The following CDH20 variants were observed in gnomAD, a reference collection of about 807,000 sequenced individuals.
CDH20 encodes cadherin-20.
In CDH20, 29 loss-of-function variants were observed where a neutral mutation model predicts 74.2. The ratio of observed to expected loss-of-function variants is 0.39; its 90% confidence interval spans 0.29 to 0.53. The LOEUF (loss-of-function observed/expected upper bound fraction) is 0.53. Among genes scored for constraint, CDH20 ranks in the 20% least tolerant of loss-of-function variants. The pLI, the probability that CDH20 is intolerant of heterozygous loss-of-function variation, is 0.69. For missense variants in CDH20, 988 were observed against 1,048.3 expected, an observed-to-expected ratio of 0.94 and a Z score of 0.79; for synonymous variants, 469 against 405.4, an observed-to-expected ratio of 1.16 and a Z score of -1.88.
intron 1 of CDH20, among the ~76,000 whole-genome samples, chr18:61,373,020 G>C (rs1431979927): frequency 6.6e-6 from 1 of 152,198 alleles, no homozygotes; most frequent in Admixed American, 6.5e-5. Flanking sequence ...AGAATGTTTG[G>C]ACCATCTCTA....
chr18:61,477,137 T>C (rs1380582355), intron 1 of CDH20, among the ~76,000 whole-genome samples: 4 of 152,168 alleles, frequency 2.6e-5, no homozygotes, highest in Non-Finnish European at 5.9e-5. Context: ...ATTACTATGA[T>C]ATAATTAGAG....
chr18:61,426,353 G>C (rs1163201961), intron 1 of CDH20, among the ~76,000 whole-genome samples: 1 of 151,976 alleles, frequency 6.6e-6, no homozygotes, highest in Non-Finnish European at 1.5e-5. Context: ...GTGTACAAGA[G>C]GGCAAAGGAC....
intron 1 of CDH20, among the ~76,000 whole-genome samples, chr18:61,453,622 C>A (rs975151752): frequency 3.3e-5 from 5 of 152,194 alleles, no homozygotes; most frequent in African/African-American, 2.4e-5. Flanking sequence ...GCAATTTATC[C>A]AAGGCATTGC....
intron 8 of CDH20, 113 bp from the exon 9 acceptor site, chr18:61,538,911 C>T (rs1022615329): frequency 4.2e-6 from 5 of 1,178,370 alleles, no homozygotes; most frequent in African/African-American, 3.1e-5. Context: ...GGATTACAGG[C>T]GTGAGCCACT....
At chr18:61,382,349 G>A (rs1323889712) in intron 1 of CDH20, among the ~76,000 whole-genome samples, 3 of 152,124 alleles carry the variant, frequency 2.0e-5, no homozygotes, top group Non-Finnish European at 4.4e-5. Flanking sequence ...AGAGTAAAAC[G>A]TAATGGCCAA....
rs1323437407 is a variant in CDH20 at position 61,554,498 on chromosome 18, C to T, written c.2209C>T (p.Leu737=). ...CAAGCTCTACGAGGCCGACATGGAC[C>T]TGTGGGCACCGCCCTTCGACTCCCT... ...LAKLYEADMD[L]WAPPFDSLQT... The change falls in exon 12 of 12, where the codon CTG becomes TTG. Residue 737 remains leucine (L), a synonymous_variant. Coordinates refer to ENST00000262717, the MANE Select transcript of CDH20 (RefSeq NM_031891.4). 6.2e-7 allele frequency: 1 copy of T among 1,612,932 alleles called. No homozygotes were observed. The highest frequency in any genetic ancestry group is 8.5e-7 in the Non-Finnish European group (1 of 1,179,776).
At chr18:61,538,588 G>A (rs62097361) in intron 8 of CDH20, among the ~76,000 whole-genome samples, 1 of 55,124 alleles carries the variant, frequency 1.8e-5, no homozygotes, top group Non-Finnish European at 3.5e-5. Flanking sequence ...CTTTTTGTTT[G>A]TTTGTTTGTT....
At position 61,368,323 on chromosome 18, in the gene CDH20, C is replaced by T. The variant is rs191730386; in HGVS notation, c.-153+34496C>T. ...CTGATCATACTCACTGTCTCCTTTT[C>T]TTTTCTTCTTTTTATTTAATTTCAA... On this transcript the variant is annotated intron_variant, in intron 1 of 11. Transcript: ENST00000262717. Among the ~76,000 whole-genome samples, 122 of 149,730 alleles carry T rather than the reference C, an allele frequency of 8.1e-4. 2 individuals are homozygous for T. The highest frequency in any genetic ancestry group is 7.0e-3 in the Admixed American group (103 of 14,622).
At chr18:61,505,935 A>C (rs1227269984) in intron 5 of CDH20, among the ~76,000 whole-genome samples, 8 of 152,300 alleles carry the variant, frequency 5.3e-5, no homozygotes, top group African/African-American at 1.9e-4. Context: ...TATCTTGGCT[A>C]TACTCTTATG....
chr18:61,554,140 A>T (rs576750491), intron 11 of CDH20, 50 bp from the exon 12 acceptor site: 40 of 1,569,586 alleles, frequency 2.5e-5, no homozygotes, highest in Middle Eastern at 1.7e-4. Flanking sequence ...GTCACCGCAC[A>T]CACAGCCACA....
intron 1 of CDH20, among the ~76,000 whole-genome samples, chr18:61,421,641 T>C (rs1434428320): frequency 6.6e-6 from 1 of 152,172 alleles, no homozygotes; most frequent in African/African-American, 2.4e-5. Flanking sequence ...GAAGATAATA[T>C]TTTGAATGTC....
intron 1 of CDH20, among the ~76,000 whole-genome samples, chr18:61,439,364 C>A (rs976909658): frequency 5.9e-5 from 9 of 152,108 alleles, no homozygotes; most frequent in Non-Finnish European, 1.0e-4. Context: ...TTTTCTGTCA[C>A]CTTTCCAAAT....
At chr18:61,398,617 T>C (rs1305270472) in intron 1 of CDH20, among the ~76,000 whole-genome samples, 2 of 152,180 alleles carry the variant, frequency 1.3e-5, no homozygotes, top group Non-Finnish European at 2.9e-5. Context: ...AGATGAGTTA[T>C]TATGAATTTA....
chr18:61,536,013 C>T (rs1170043965), intron 7 of CDH20, among the ~76,000 whole-genome samples: 2 of 152,112 alleles, frequency 1.3e-5, no homozygotes, highest in Non-Finnish European at 2.9e-5. Context: ...AAGAAAGGGC[C>T]TGGTACAAGG....
intron 1 of CDH20, among the ~76,000 whole-genome samples, chr18:61,475,153 G>C (rs1910324916): frequency 6.6e-6 from 1 of 152,208 alleles, no homozygotes; most frequent in Admixed American, 6.5e-5. Flanking sequence ...GAGGGCTGCT[G>C]AAGGGATGGA....
chr18:61,339,701 T>TTTTTTTTTTTTTTTTTTTTTTTTTTTTC (rs58434671), intron 1 of CDH20, among the ~76,000 whole-genome samples: 1 of 122,944 alleles, frequency 8.1e-6, no homozygotes, highest in African/African-American at 3.0e-5. Flanking sequence ...TTTTTTTTTT[T>TTTTTTTTTTTTTTTTTTTTTTTTTTTTC]TTTTGAGATG....
intron 6 of CDH20, among the ~76,000 whole-genome samples, chr18:61,517,472 G>A (rs1364282383): frequency 1.3e-5 from 2 of 152,196 alleles, no homozygotes; most frequent in African/African-American, 4.8e-5. Context: ...CCTCACCTGG[G>A]AAGTGCAAGG....
At chr18:61,478,656 G>T (rs61225395) in intron 1 of CDH20, among the ~76,000 whole-genome samples, 9,736 of 152,208 alleles carry the variant, frequency 0.064, 394 homozygotes, top group African/African-American at 0.12. Flanking sequence ...AGTGGATGGT[G>T]AAGAATAGAG....
At position 61,503,004 on chromosome 18, in the gene CDH20, A is replaced by C; in HGVS notation, c.713A>C (p.Tyr238Ser). 6.2e-7 allele frequency: 1 copy of C among 1,613,964 alleles called. No individual in the cohort carries two copies. The highest frequency in any genetic ancestry group is 8.5e-7 in the Non-Finnish European group (1 of 1,179,872). Residue 238 changes from tyrosine to serine, a missense_variant, in exon 5 of 12, where the codon TAC becomes TCC. Physicochemically the swap from Tyr to Ser is moderately radical, Grantham distance 144. Coordinates refer to ENST00000262717, the MANE Select transcript of CDH20 (RefSeq NM_031891.4). ...ATGGACAGAGAAGCCAAAGAATACT[A>C]CGAAGTGATTATCCAAGCCAAGGAC... ...MNMDREAKEY[Y>S]EVIIQAKDMG...
Sources: allele counts gnomAD v4.1 joint callset (sites outside exome capture counted in the v4.1 genomes callset), GRCh38; gene constraint gnomAD v4.1.1; transcripts MANE v1.5; gene names NCBI Gene and HGNC (gene_info 2026-07-23, HGNC 2026-07-21).